POLE2: variants seen among roughly 807,000 people sequenced by gnomAD.
The protein encoded by POLE2 is DNA polymerase epsilon subunit 2.
POLE2 carries 56 observed loss-of-function variants against 79.4 expected under a neutral mutation model. That is an observed-to-expected ratio of 0.71 (90% confidence interval 0.57 to 0.88). The LOEUF is 0.88. Among genes scored for constraint, POLE2 ranks in the 40% least tolerant of loss-of-function variants. POLE2 has a pLI of 0.00. For missense variants in POLE2, 598 were observed against 638.9 expected (o/e 0.94, Z 0.69); for synonymous variants, 212 against 214.0 (o/e 0.99, Z 0.08).
Position 49,679,780 on chromosome 14 carries a change from G to A in POLE2, c.190C>T (p.Arg64Ter), listed in dbSNP as rs765702439. 5.6e-6 allele frequency: 9 copies of A among 1,597,148 alleles called. No individual in the cohort carries two copies. The highest frequency in any genetic ancestry group is 1.7e-5 in the Admixed American group (1 of 59,684). ...KQPLSSNMIE[R>*]SVVEAAVQEC... The stretch of plus-strand genomic sequence containing the variant: ...TGGACTGCTGCTTCCACCACAGATC[G>A]TTCAATCATGTTTGATGACACTGAA... Residue 64 changes from arginine to a stop codon, truncating the protein, a stop_gained, in exon 3 of 19, where the codon CGA becomes TGA. Transcript: ENST00000216367. LOFTEE classifies it high-confidence loss of function.
rs1223384984 is a variant in POLE2, at chr14:49,683,693, A to G, written c.69T>C (p.Gly23=). The change falls in exon 2 of 19, where the codon GGT becomes GGC. Residue 23 remains glycine, a splice_region_variant and synonymous_variant. Transcript: ENST00000216367. ...CTTCTGTGAGGTACTTAATAGCTTC[A>G]CTAAGAAAAGGAAAGGAAAAATGAG... ...AFKLRGLLLR[G]EAIKYLTEAL... 1.3e-6 allele frequency: 2 copies of G among 1,491,308 alleles called. No individual in the cohort carries two copies. The highest frequency in any genetic ancestry group is 2.8e-5 in the African/African-American group (2 of 71,598). 92.4% of individuals were successfully genotyped at this position (1,491,308 alleles called of 1,614,324 possible).
At chr14:49,661,015 C>T (rs1239133041) in intron 10 of POLE2, among the ~76,000 whole-genome samples, 2 of 152,168 alleles carry the variant, frequency 1.3e-5, no homozygotes, top group South Asian at 2.1e-4. Flanking sequence ...CTGCAACCTC[C>T]GCCTCCAAAG....
chr14:49,647,446 T>A, intron 17 of POLE2, 86 bp from the exon 18 acceptor site: 1 of 466,238 alleles, frequency 2.1e-6, no homozygotes. Context: ...ATATTTTTTA[T>A]TTTTTATTTT....
At position 49,647,939 on chromosome 14, in the gene POLE2, G is replaced by C. The variant is rs897279136; in HGVS notation, c.1498-579C>G. 3.6e-4 allele frequency among the ~76,000 whole-genome samples: 55 copies of C among 152,152 alleles called. 1 individual carries two copies. Among genetic ancestry groups the C allele is most frequent in the Non-Finnish European group, 7.4e-5 (5 of 68,026 alleles). On this transcript the variant is annotated intron_variant, in intron 17 of 18. Transcript: ENST00000216367. The stretch of plus-strand genomic sequence containing the variant: ...TTTGAGTTGGCTAGACAGTCTTAAT[G>C]CTAAAAGATGAGGTTGGAAATGCTT...
At chr14:49,663,712 C>T (rs957013584) in intron 9 of POLE2, among the ~76,000 whole-genome samples, 1 of 152,030 alleles carries the variant, frequency 6.6e-6, no homozygotes, top group Admixed American at 6.6e-5. Flanking sequence ...CGTTCACATA[C>T]TATACAATTC....
chr14:49,650,921 A>G (rs1884174500), intron 16 of POLE2, among the ~76,000 whole-genome samples: 1 of 152,242 alleles, frequency 6.6e-6, no homozygotes, highest in African/African-American at 2.4e-5. Flanking sequence ...ATATGGACAT[A>G]CTATATAAAA....
chr14:49,671,618 GAAAAAAAA>G (rs71115391), intron 5 of POLE2, among the ~76,000 whole-genome samples: 6 of 58,728 alleles, frequency 1.0e-4, no homozygotes, highest in African/African-American at 4.1e-4. Flanking sequence ...CTCTGCCTCA[GAAAAAAAA>G]AAAAAAAAAA....
chr14:49,658,159 C>T (rs1335089209), intron 10 of POLE2, among the ~76,000 whole-genome samples: 2 of 151,914 alleles, frequency 1.3e-5, no homozygotes, highest in African/African-American at 2.4e-5. Context: ...TCACTGCAAG[C>T]TCTGCCTCCC....
intron 1 of POLE2, among the ~76,000 whole-genome samples, chr14:49,687,794 G>A (rs1294072743): frequency 6.6e-6 from 1 of 151,952 alleles, no homozygotes; most frequent in African/African-American, 2.4e-5. Context: ...CCTCCTCCCG[G>A]GTTCAAGCGA....
intron 8 of POLE2, among the ~76,000 whole-genome samples, 196 bp downstream of exon 8, chr14:49,664,911 T>G (rs1213661388): frequency 6.6e-6 from 1 of 152,222 alleles, no homozygotes; most frequent in East Asian, 1.9e-4. Context: ...TCGTCAGTGA[T>G]TCATCTAGAT....
At chr14:49,649,368 G>A (rs376831343) in intron 17 of POLE2, among the ~76,000 whole-genome samples, 14 of 151,042 alleles carry the variant, frequency 9.3e-5, no homozygotes, top group South Asian at 8.4e-4. Context: ...GGATGGTCTC[G>A]ATCTCCTGAC....
At position 49,646,302 on chromosome 14, in the gene POLE2, G is replaced by GTTTTTTTTTTTTTTTTTTTTTT. The variant is rs1162033821; in HGVS notation, c.1565+969_1565+990dup. Among the ~76,000 whole-genome samples the GTTTTTTTTTTTTTTTTTTTTTT allele has an allele frequency of 2.6e-4, 22 of 84,580 alleles. 4 individuals carry two copies. The highest frequency in any genetic ancestry group is 5.2e-4 in the South Asian group (1 of 1,922). 55.5% of individuals were successfully genotyped at this position (84,580 alleles called of 152,430 possible). On this transcript the variant is annotated intron_variant, in intron 18 of 18. Coordinates refer to ENST00000216367, the MANE Select transcript of POLE2 (RefSeq NM_002692.4). ...GATTTGGTCAGTTGTTTTTTTGTTG[G>GTTTTTTTTTTTTTTTTTTTTTT]TTTTTTTTTTTTTTTTTTTTTTTTT... is the stretch of plus-strand genomic sequence containing the variant.
intron 2 of POLE2, among the ~76,000 whole-genome samples, chr14:49,680,292 A>G (rs749415503): frequency 2.0e-5 from 3 of 151,944 alleles, no homozygotes; most frequent in Non-Finnish European, 4.4e-5. Context: ...TGGAGGCTGC[A>G]GTGAGCTGTG....
At chr14:49,664,381 G>A (rs1446692172) in intron 9 of POLE2, among the ~76,000 whole-genome samples, 1 of 151,054 alleles carries the variant, frequency 6.6e-6, no homozygotes, top group South Asian at 2.1e-4. Flanking sequence ...AAAAGGGTGT[G>A]TAATTCGGTG....
chr14:49,675,088 A>T (rs932028873), intron 3 of POLE2, among the ~76,000 whole-genome samples: 1 of 147,142 alleles, frequency 6.8e-6, no homozygotes, highest in Admixed American at 6.8e-5. Context: ...GAGCTACAGT[A>T]TTTTTTTTTT....
Position 49,664,558 on chromosome 14 carries a change from T to C in POLE2, c.682+68A>G, listed in dbSNP as rs1885338701. On this transcript the variant is annotated intron_variant, in intron 9 of 18. Coordinates refer to ENST00000216367, the MANE Select transcript of POLE2 (RefSeq NM_002692.4). ...TCCCAAATTATATCATGTTAACATA[T>C]TTTACCCAAAGCAGAAAGTTTTACT... The C allele has an allele frequency of 1.3e-5, 13 of 1,001,248 alleles. No individual in the cohort carries two copies. The South Asian group carries it at 1.5e-4, about 11-fold the overall frequency. 62.0% of individuals were successfully genotyped at this position (1,001,248 alleles called of 1,614,324 possible). A position where few individuals can be genotyped will look rare whatever the true frequency, so the allele number is the denominator to read the frequency against.
intron 18 of POLE2, among the ~76,000 whole-genome samples, chr14:49,644,737 G>A (rs1190844916): frequency 6.6e-6 from 1 of 151,518 alleles, no homozygotes; most frequent in Admixed American, 6.6e-5. Flanking sequence ...AAATTTCTTG[G>A]TATAAAAACT....
chr14:49,645,491 C>A (rs1883699436), intron 18 of POLE2, among the ~76,000 whole-genome samples: 1 of 152,206 alleles, frequency 6.6e-6, no homozygotes, highest in Admixed American at 6.6e-5. Context: ...TTTGTTTGAT[C>A]TAGCATTGAA....
chr14:49,655,491 A>G (rs970353350), intron 11 of POLE2, among the ~76,000 whole-genome samples, 180 bp downstream of exon 11: 1 of 150,074 alleles, frequency 6.7e-6, no homozygotes, highest in Non-Finnish European at 1.5e-5. Flanking sequence ...ACACACACAC[A>G]GGTTTTTTTC....
Sources: allele counts gnomAD v4.1 joint callset (sites outside exome capture counted in the v4.1 genomes callset), GRCh38; gene constraint gnomAD v4.1.1; transcripts MANE v1.5; gene names NCBI Gene and HGNC (gene_info 2026-07-23, HGNC 2026-07-21).